The following BPTF variants were observed in gnomAD, a reference collection of about 807,000 sequenced individuals.
BPTF encodes nucleosome-remodeling factor subunit BPTF.
Under a neutral mutation model 292.5 loss-of-function variants are expected in BPTF, and 18 were observed. The ratio of observed to expected loss-of-function variants is 0.06; its 90% CI spans 0.04 to 0.09. BPTF has a LOEUF of 0.09. BPTF is among the 10% of genes least tolerant of loss of function. The pLI, the probability that BPTF is intolerant of heterozygous loss-of-function variation, is 1.00. For missense variants in BPTF, 2,726 were observed against 3,498.7 expected, an observed-to-expected ratio of 0.78 and a Z score of 5.57; for synonymous variants, 1,225 against 1,251.9, an observed-to-expected ratio of 0.98 and a Z score of 0.45.
At chr17:67,883,642 C>T (rs1451724709) in intron 4 of BPTF, among the ~76,000 whole-genome samples, 1 of 152,104 alleles carries the variant, frequency 6.6e-6, no homozygotes, top group African/African-American at 2.4e-5. Flanking sequence ...CTCTGTTGCC[C>T]AGGCTGGAGT....
intron 18 of BPTF, among the ~76,000 whole-genome samples, chr17:67,939,444 A>G (rs1474146769): frequency 6.6e-6 from 1 of 152,250 alleles, no homozygotes; most frequent in Non-Finnish European, 1.5e-5. Flanking sequence ...ATTCTTAGCA[A>G]CTGTTCTACA....
intron 24 of BPTF, 132 bp downstream of exon 24, chr17:67,960,007 G>T (rs1178619863): frequency 2.8e-6 from 2 of 716,892 alleles, no homozygotes; most frequent in Admixed American, 3.5e-5. Flanking sequence ...TTTCATCCAT[G>T]GTCTTGCATG....
intron 4 of BPTF, among the ~76,000 whole-genome samples, chr17:67,889,517 T>C (rs1287811080): frequency 1.3e-5 from 2 of 152,116 alleles, no homozygotes; most frequent in African/African-American, 4.8e-5. Flanking sequence ...TAAAACTCCA[T>C]GATCTGAAGG....
Position 67,854,532 on chromosome 17 carries a change from G to A in BPTF, c.1206G>A (p.Leu402=). The part of the protein sequence containing the change: ...HCRVCHKLGD[L]LCCETCSAVY... The stretch of plus-strand genomic sequence containing the variant: ...GGGTTTGTCACAAACTTGGGGATTT[G>A]CTTTGCTGTGAGACATGTTCAGCAG... The change falls in exon 2 of 28, where the codon TTG becomes TTA. Residue 402 remains leucine (L), a synonymous_variant. Coordinates refer to ENST00000306378, the MANE Select transcript of BPTF (RefSeq NM_182641.4). The surrounding 1 kb of genome is among the most constrained non-coding windows in gnomAD (Gnocchi z 5.6). The A allele has an allele frequency of 6.2e-7, 1 of 1,614,162 alleles. No homozygotes were observed. Among genetic ancestry groups the A allele is most frequent in the Non-Finnish European group, 8.5e-7 (1 of 1,180,036 alleles).
chr17:67,976,699 A>T lies in BPTF; in HGVS notation c.8726+741A>T, dbSNP rs1194214662. Among the ~76,000 whole-genome samples, 193 of 132,370 alleles carry T rather than the reference A, an allele frequency of 1.5e-3. 5 individuals are homozygous for T. Among genetic ancestry groups the T allele is most frequent in the Middle Eastern group, 7.9e-3 (2 of 254 alleles). 86.8% of individuals were successfully genotyped at this position (132,370 alleles called of 152,430 possible). A position where few individuals can be genotyped will look rare whatever the true frequency, so the allele number is the denominator to read the frequency against. The stretch of plus-strand genomic sequence containing the variant: ...AGACCCTGTCTCAAAAAAAAAAAAA[A>T]AAAAAAAAAAAAAAAATAAGAATAA... On this transcript the variant is annotated intron_variant, in intron 27 of 27. Transcript: ENST00000306378.
At chr17:67,949,819 T>G (rs1201644650) in intron 23 of BPTF, among the ~76,000 whole-genome samples, 1 of 147,610 alleles carries the variant, frequency 6.8e-6, no homozygotes, top group African/African-American at 2.5e-5. Context: ...GCACTTTGGG[T>G]GGCCGAGGCA....
At chr17:67,844,620 C>G (rs1352906856) in intron 1 of BPTF, among the ~76,000 whole-genome samples, 1 of 149,392 alleles carries the variant, frequency 6.7e-6, no homozygotes, top group Non-Finnish European at 1.5e-5. Flanking sequence ...AGGCTGGGCT[C>G]AAACTCCTGA....
At chr17:67,904,110 C>T (rs2062023966) in intron 8 of BPTF, among the ~76,000 whole-genome samples, 192 bp downstream of exon 8, 1 of 152,206 alleles carries the variant, frequency 6.6e-6, no homozygotes. Flanking sequence ...CTCACTACAG[C>T]CTCCGCCTCC....
At chr17:67,940,412 A>T (rs1463622796) in intron 18 of BPTF, 27 bp from the exon 19 acceptor site, 1 of 1,598,008 alleles carries the variant, frequency 6.3e-7, no homozygotes, top group Admixed American at 1.7e-5. Context: ...GTGTATAAGC[A>T]TTCATAATGT....
At chr17:67,896,195 C>G (rs891634660) in intron 7 of BPTF, among the ~76,000 whole-genome samples, 8 of 151,974 alleles carry the variant, frequency 5.3e-5, no homozygotes, top group African/African-American at 1.9e-4. Context: ...ATCTCCTGAC[C>G]TTGTGATCCG....
intron 1 of BPTF, among the ~76,000 whole-genome samples, chr17:67,838,900 C>T (rs1288386388): frequency 1.3e-5 from 2 of 152,174 alleles, no homozygotes; most frequent in African/African-American, 4.8e-5. Context: ...GCTGGGGCTT[C>T]TAGTTGAAAA....
intron 1 of BPTF, among the ~76,000 whole-genome samples, chr17:67,839,300 T>G (rs1421002900): frequency 6.6e-6 from 1 of 152,164 alleles, no homozygotes; most frequent in African/African-American, 2.4e-5. Context: ...TTGAATGTAT[T>G]CACCTGGTTC....
At chr17:67,971,844 AG>A (rs1160647983) in intron 26 of BPTF, among the ~76,000 whole-genome samples, 3 of 150,222 alleles carry the variant, frequency 2.0e-5, no homozygotes, top group Middle Eastern at 3.2e-3. Context: ...AAAAAAAAAA[AG>A]AGAAGAAAAA....
chr17:67,899,374 C>G (rs2061667671), intron 7 of BPTF, among the ~76,000 whole-genome samples: 2 of 152,124 alleles, frequency 1.3e-5, no homozygotes, highest in Admixed American at 1.3e-4. Context: ...TGCTCATGAT[C>G]TCACCCACTG....
At chr17:67,916,585 C>T (rs912858321) in intron 11 of BPTF, among the ~76,000 whole-genome samples, 7 of 150,910 alleles carry the variant, frequency 4.6e-5, no homozygotes, top group South Asian at 2.1e-4. Context: ...AGCAAAACTC[C>T]GTCTCAAAAA....
At chr17:67,937,639 C>G (rs541910039) in intron 18 of BPTF, among the ~76,000 whole-genome samples, 2 of 151,340 alleles carry the variant, frequency 1.3e-5, no homozygotes, top group African/African-American at 2.4e-5. Flanking sequence ...AGGAGTGGAC[C>G]TGGTGACATT....
intron 7 of BPTF, among the ~76,000 whole-genome samples, chr17:67,902,775 A>G (rs1042542517): frequency 3.9e-5 from 6 of 152,170 alleles, no homozygotes; most frequent in Admixed American, 3.9e-4. Context: ...CCCCTCCCAC[A>G]TCTTTTCGGC....
chr17:67,847,741 A>G (rs2058133414), intron 1 of BPTF, among the ~76,000 whole-genome samples: 1 of 152,074 alleles, frequency 6.6e-6, no homozygotes, highest in African/African-American at 2.4e-5. Flanking sequence ...TTATATTATT[A>G]CTGACACAGA....
chr17:67,923,441 A>G (rs1478472053), intron 14 of BPTF, among the ~76,000 whole-genome samples: 1 of 145,298 alleles, frequency 6.9e-6, no homozygotes, highest in Non-Finnish European at 1.5e-5. Flanking sequence ...TGCTAGCTGT[A>G]AATAGTTTAG....
Sources: allele counts gnomAD v4.1 joint callset (sites outside exome capture counted in the v4.1 genomes callset), GRCh38; gene constraint gnomAD v4.1.1; non-coding constraint Gnocchi (gnomAD v3.1); transcripts MANE v1.5; gene names NCBI Gene and HGNC (gene_info 2026-07-23, HGNC 2026-07-21).